The following CTNNA2 variants were observed in gnomAD, a reference collection of about 807,000 sequenced individuals.
CTNNA2 encodes the protein catenin alpha-2.
In CTNNA2, 42 loss-of-function variants were observed where a neutral mutation model predicts 101.0. The observed-to-expected ratio is 0.42, with a 90% CI of 0.32 to 0.54. The LOEUF (loss-of-function observed/expected upper bound fraction) is 0.54. Among genes scored for constraint, CTNNA2 ranks in the 20% least tolerant of loss-of-function variants. CTNNA2 has a pLI of 0.14. For missense variants in CTNNA2, 871 were observed against 1,223.1 expected, an observed-to-expected ratio of 0.71 and a Z score of 4.29; for synonymous variants, 450 against 456.4, an observed-to-expected ratio of 0.99 and a Z score of 0.18.
In CTNNA2 at chr2:79,308,782, G is replaced by GTTT. The variant is rs10691338; in HGVS notation, c.-405-3915_-405-3913dup. Reference sequence around the variant, plus strand: ...AATCCACTAAATGTTTCATTTTATGGTTTTTTTTTTTTTTGCTCTTGAGGT... The same window carrying GTTT: ...AATCCACTAAATGTTTCATTTTATGGTTTTTTTTTTTTTTTTTGCTCTTGAGGT... On this transcript the variant is annotated intron_variant, in intron 2 of 21. Coordinates refer to the CTNNA2 transcript ENST00000466387. 2.2e-3 allele frequency among the ~76,000 whole-genome samples: 301 copies of GTTT among 136,356 alleles called. 3 individuals are homozygous for GTTT. The highest frequency in any genetic ancestry group is 6.0e-3 in the African/African-American group (225 of 37,548). The allele number at this position is 136,356 out of a possible 152,430, so 89.5% of individuals were successfully genotyped here.
chr2:79,851,662 T>C (rs1169103638), intron 3 of CTNNA2, among the ~76,000 whole-genome samples: 2 of 151,892 alleles, frequency 1.3e-5, no homozygotes, highest in Non-Finnish European at 2.9e-5. Context: ...GGGAACAAAC[T>C]GGTTAAGAGG....
At chr2:79,273,470 A>T (rs1675135648) in intron 2 of CTNNA2, among the ~76,000 whole-genome samples, 1 of 152,040 alleles carries the variant, frequency 6.6e-6, no homozygotes, top group African/African-American at 2.4e-5. Flanking sequence ...AGATCATTCT[A>T]TTTATAGCAT....
At chr2:79,512,592 C>A (rs1005301354), upstream of CTNNA2, among the ~76,000 whole-genome samples, 1 of 151,722 alleles carries the variant, frequency 6.6e-6, no homozygotes, top group African/African-American at 2.4e-5. Context: ...TGCCCGCTCC[C>A]GCACCCGGTC....
At chr2:80,067,292 T>C (rs1698050691) in intron 7 of CTNNA2, among the ~76,000 whole-genome samples, 1 of 152,186 alleles carries the variant, frequency 6.6e-6, no homozygotes, top group African/African-American at 2.4e-5. Flanking sequence ...ATTTAGCCAT[T>C]CCACAATGTA....
chr2:80,229,475 T>C (rs1285099486), intron 7 of CTNNA2, among the ~76,000 whole-genome samples: 1 of 152,178 alleles, frequency 6.6e-6, no homozygotes, highest in African/African-American at 2.4e-5. Flanking sequence ...TATAAAAGGA[T>C]ACAACTCAGG....
intron 8 of CTNNA2, among the ~76,000 whole-genome samples, chr2:80,414,633 G>C (rs1679878370): frequency 6.6e-6 from 1 of 152,186 alleles, no homozygotes; most frequent in Non-Finnish European, 1.5e-5. Context: ...GTATGACCCA[G>C]AGTTCTGGTC....
chr2:80,228,543 G>A (rs750170292), intron 7 of CTNNA2, among the ~76,000 whole-genome samples: 10 of 152,070 alleles, frequency 6.6e-5, no homozygotes, highest in Non-Finnish European at 8.8e-5. Flanking sequence ...AGCAGCTATC[G>A]TATCTCATAA....
At chr2:80,023,688 C>T (rs1181972700) in intron 7 of CTNNA2, among the ~76,000 whole-genome samples, 6 of 152,116 alleles carry the variant, frequency 3.9e-5, no homozygotes, top group Non-Finnish European at 8.8e-5. Context: ...AAATCCAGGG[C>T]CCACAATCCA....
intron 1 of CTNNA2, 99 bp from the exon 2 acceptor site, chr2:79,651,453 G>C: frequency 1.8e-6 from 2 of 1,128,204 alleles, no homozygotes; most frequent in African/African-American, 1.5e-5. Context: ...CTATCTTCCA[G>C]TATGTTCTAA....
chr2:79,367,027 G>A (rs993823571), intron 3 of CTNNA2, among the ~76,000 whole-genome samples: 3 of 152,138 alleles, frequency 2.0e-5, no homozygotes, highest in Non-Finnish European at 2.9e-5. Context: ...ATGGTATTTG[G>A]AGATGGAGCC....
intron 2 of CTNNA2, among the ~76,000 whole-genome samples, chr2:79,302,994 G>A (rs576672477): frequency 2.4e-4 from 36 of 152,246 alleles, no homozygotes; most frequent in Non-Finnish European, 3.7e-4. Context: ...AATTAGTAAA[G>A]CAAGTCTCAG....
intron 2 of CTNNA2, among the ~76,000 whole-genome samples, chr2:79,707,091 AG>A (rs2104789110): frequency 6.6e-6 from 1 of 152,288 alleles, no homozygotes; most frequent in Admixed American, 6.5e-5. Context: ...AATCATGGAA[AG>A]GACCCCTCTG....
intron 13 of CTNNA2, 87 bp from the exon 14 acceptor site, chr2:80,581,619 G>A: frequency 1.2e-6 from 1 of 805,174 alleles, no homozygotes; most frequent in South Asian, 1.5e-5. Flanking sequence ...TGTTTGCTGG[G>A]GGATATTTAG....
At chr2:80,436,298 T>C (rs985448564) in intron 9 of CTNNA2, among the ~76,000 whole-genome samples, 2 of 152,150 alleles carry the variant, frequency 1.3e-5, no homozygotes, top group Non-Finnish European at 2.9e-5. Flanking sequence ...CCAGGCAGCA[T>C]TGGTCTTACC....
intron 2 of CTNNA2, among the ~76,000 whole-genome samples, chr2:79,658,397 T>C (rs1329718971): frequency 6.6e-6 from 1 of 152,072 alleles, no homozygotes; most frequent in African/African-American, 2.4e-5. Context: ...TAATACAGGC[T>C]TGCTTTCAGT....
At chr2:80,644,033 T>G (rs896600713) in intron 18 of CTNNA2, among the ~76,000 whole-genome samples, 1 of 152,148 alleles carries the variant, frequency 6.6e-6, no homozygotes, top group African/African-American at 2.4e-5. Flanking sequence ...AGAGTTCATT[T>G]TGGATAGGCA....
At chr2:79,965,129 G>T (rs1367563315) in intron 7 of CTNNA2, among the ~76,000 whole-genome samples, 3 of 152,144 alleles carry the variant, frequency 2.0e-5, no homozygotes, top group East Asian at 3.9e-4. Context: ...TCATTTGCCT[G>T]TCTGTTCAGG....
intron 7 of CTNNA2, among the ~76,000 whole-genome samples, chr2:80,365,445 TA>T (rs1674827040): frequency 1.3e-5 from 2 of 152,288 alleles, no homozygotes; most frequent in African/African-American, 4.8e-5. Flanking sequence ...TTTTGTAAAT[TA>T]TTTTTTACAT....
rs146950473 is a variant in CTNNA2 at position 80,612,653 on chromosome 2, A to G, written c.2430+4335A>G. Among the ~76,000 whole-genome samples the G allele has an allele frequency of 9.0e-4, 137 of 151,416 alleles. 1 individual carries two copies. The East Asian group carries it at 0.026, about 29-fold the overall frequency. ...AGAGCGTTGTGTTCCTTTTATTTTT[A>G]AAAAGTGCCAGTATTTTGTAATGAG... On this transcript the variant is annotated intron_variant, in intron 17 of 18. Transcript: ENST00000402739.
Sources: allele counts gnomAD v4.1 joint callset (sites outside exome capture counted in the v4.1 genomes callset), GRCh38; gene constraint gnomAD v4.1.1; transcripts MANE v1.5; gene names NCBI Gene and HGNC (gene_info 2026-07-23, HGNC 2026-07-21).